The following CA13 variants were observed in gnomAD, a reference collection of about 807,000 sequenced individuals.
CA13 encodes CA-XIII.
In CA13, 21 loss-of-function variants were observed where a neutral mutation model predicts 31.5. The observed-to-expected ratio is 0.67, with a 90% confidence interval of 0.47 to 0.96. The LOEUF is 0.96. CA13 is among the 40% of genes least tolerant of loss of function. The probability of loss-of-function intolerance (pLI) is 0.00; values close to 1 mark genes in which losing one functional copy is unlikely to be tolerated. For synonymous variants in CA13, 117 were observed against 111.4 expected (o/e 1.05, Z -0.32); for missense variants, 315 against 318.9 (o/e 0.99, Z 0.09).
chr8:85,261,631 G>C (rs1369233597), intron 3 of CA13, among the ~76,000 whole-genome samples: 4 of 151,882 alleles, frequency 2.6e-5, no homozygotes, highest in African/African-American at 9.7e-5. Context: ...TCTCCATGTT[G>C]GTCAGGCTGG....
intron 1 of CA13, among the ~76,000 whole-genome samples, chr8:85,248,440 A>G (rs1216732279): frequency 6.6e-6 from 1 of 151,194 alleles, no homozygotes; most frequent in African/African-American, 2.4e-5. Flanking sequence ...CTGGGCAACA[A>G]GAGTGAAACT....
chr8:85,268,393 A>G (rs992515115), intron 5 of CA13, 79 bp from the exon 6 acceptor site: 1 of 1,171,512 alleles, frequency 8.5e-7, no homozygotes, highest in African/African-American at 1.5e-5. Context: ...TTATAATGGA[A>G]GTACATGGAT....
At chr8:85,259,715 C>T (rs1807351607) in intron 3 of CA13, among the ~76,000 whole-genome samples, 176 bp downstream of exon 3, 1 of 152,144 alleles carries the variant, frequency 6.6e-6, no homozygotes, top group Non-Finnish European at 1.5e-5. Context: ...TCAGATGTTG[C>T]CCTCCTAAGC....
chr8:85,261,365 T>C (rs946841990), intron 3 of CA13, among the ~76,000 whole-genome samples: 1 of 152,198 alleles, frequency 6.6e-6, no homozygotes, highest in African/African-American at 2.4e-5. Context: ...CAGAAGCATC[T>C]TGGAATTTTT....
intron 4 of CA13, 85 bp from the exon 5 acceptor site, chr8:85,267,817 A>T: frequency 1.3e-6 from 1 of 796,554 alleles, no homozygotes; most frequent in Non-Finnish European, 2.0e-6. Flanking sequence ...TTTTTAAAAA[A>T]TAATTTTTAA....
intron 6 of CA13, among the ~76,000 whole-genome samples, chr8:85,280,309 T>G (rs1807682134): frequency 6.6e-6 from 1 of 152,050 alleles, no homozygotes; most frequent in African/African-American, 2.4e-5. Flanking sequence ...CCTCAAAATA[T>G]CACATGTGGA....
Position 85,245,607 on chromosome 8 carries a change from C to G in CA13, c.-222C>G. ...TCCCGAGTCCAAACTAAGAGAGACT[C>G]GCGCCCCAGGAGTCAGCCAGCGGCG... On this transcript the variant is annotated 5_prime_UTR_variant, in exon 1 of 7. Transcript: ENST00000321764. 1.7e-6 allele frequency: 1 copy of G among 575,490 alleles called. No homozygotes were observed. Among genetic ancestry groups the G allele is most frequent in the South Asian group, 2.0e-5 (1 of 49,280 alleles). 35.6% of individuals were successfully genotyped at this position (575,490 alleles called of 1,614,324 possible). A position where few individuals can be genotyped will look rare whatever the true frequency, so the allele number is the denominator to read the frequency against.
At chr8:85,271,911 A>T (rs1163830892) in intron 6 of CA13, among the ~76,000 whole-genome samples, 2 of 152,062 alleles carry the variant, frequency 1.3e-5, no homozygotes, top group African/African-American at 4.8e-5. Flanking sequence ...TCTACTAAAA[A>T]TACAAAAATT....
At chr8:85,267,269 G>C in intron 4 of CA13, 4 of 986,102 alleles carry the variant, frequency 4.1e-6, no homozygotes, top group Non-Finnish European at 4.8e-6. Context: ...CTCATGAACA[G>C]AGAATGCTTC....
chr8:85,245,827 C>T lies in CA13; in HGVS notation c.-2C>T. On this transcript the variant is annotated 5_prime_UTR_variant, in exon 1 of 7. Transcript: ENST00000321764. ...TTTCTCTTCCTTCCACCCCGAGGGA[C>T]CATGTCGAGGCTCAGCTGGGGATAC... The T allele has an allele frequency of 6.2e-7, 1 of 1,614,118 alleles. No homozygotes were observed. The highest frequency in any genetic ancestry group is 1.7e-5 in the Admixed American group (1 of 60,032).
At chr8:85,260,603 C>T (rs1312263306) in intron 3 of CA13, among the ~76,000 whole-genome samples, 2 of 152,094 alleles carry the variant, frequency 1.3e-5, no homozygotes, top group African/African-American at 4.8e-5. Flanking sequence ...GTGTTTGAGG[C>T]CAAGTAGCTT....
chr8:85,272,776 C>T (rs1434618266), intron 6 of CA13, among the ~76,000 whole-genome samples: 1 of 151,914 alleles, frequency 6.6e-6, no homozygotes, highest in Non-Finnish European at 1.5e-5. Flanking sequence ...ATTACTAGTT[C>T]ATGTTTGTTT....
chr8:85,273,545 G>T (rs373012973), intron 6 of CA13, among the ~76,000 whole-genome samples: 1 of 152,002 alleles, frequency 6.6e-6, no homozygotes, highest in Non-Finnish European at 1.5e-5. Context: ...GTCCCAAGGC[G>T]CAAGGCCACT....
chr8:85,268,025 T>A (rs1807480050), intron 5 of CA13, 61 bp downstream of exon 5: 8 of 1,117,978 alleles, frequency 7.2e-6, no homozygotes, highest in Non-Finnish European at 9.2e-6. Flanking sequence ...TTCTCTTATC[T>A]TCCTTTAAAG....
chr8:85,278,365 TAACTC>T (rs1807648750), intron 6 of CA13, among the ~76,000 whole-genome samples: 1 of 151,802 alleles, frequency 6.6e-6, no homozygotes, highest in African/African-American at 2.4e-5. Context: ...TTTTAAGAAT[TAACTC>T]AAAGTATTTT....
chr8:85,278,048 G>A (rs1807641302), intron 6 of CA13, among the ~76,000 whole-genome samples: 1 of 151,616 alleles, frequency 6.6e-6, no homozygotes, highest in African/African-American at 2.4e-5. Context: ...ATCACTTGAG[G>A]CCAGGAGTTC....
At chr8:85,260,981 C>T (rs962907259) in intron 3 of CA13, among the ~76,000 whole-genome samples, 2 of 152,178 alleles carry the variant, frequency 1.3e-5, no homozygotes, top group African/African-American at 4.8e-5. Context: ...TTTCTGCCAG[C>T]TGGCAAGTAG....
intron 1 of CA13, among the ~76,000 whole-genome samples, chr8:85,247,460 T>A (rs1813751793): frequency 6.6e-6 from 1 of 152,200 alleles, no homozygotes; most frequent in African/African-American, 2.4e-5. Flanking sequence ...TTCTTTTAGA[T>A]GCGATCTCTC....
intron 2 of CA13, among the ~76,000 whole-genome samples, chr8:85,255,152 T>A (rs1398556133): frequency 1.3e-5 from 2 of 152,088 alleles, no homozygotes; most frequent in Non-Finnish European, 2.9e-5. Context: ...TTGACTTTCT[T>A]TGTTCTCAGG....
Sources: gnomAD v4.1 joint callset for allele counts (sites outside exome capture counted in the v4.1 genomes callset) on GRCh38, gnomAD v4.1.1 for gene constraint, MANE v1.5 for transcripts, NCBI Gene and HGNC (gene_info 2026-07-23, HGNC 2026-07-21) for gene names.